PUDP: variants seen among roughly 807,000 people sequenced by gnomAD.
PUDP encodes the protein pseudouridine 5'-phosphatase.
PUDP carries 8 observed loss-of-function variants against 9.4 expected under a neutral mutation model. The observed-to-expected ratio is 0.85, with a 90% CI of 0.50 to 1.53. The LOEUF is 1.53. Among genes scored for constraint, PUDP ranks in the 40% most tolerant of loss-of-function variants. PUDP has a pLI of 0.00. For synonymous variants in PUDP, 99 were observed against 80.7 expected (o/e 1.23, Z -1.22); for missense variants, 188 against 189.7 (o/e 0.99, Z 0.05).
At chrX:6,801,834 C>G (rs16984344) in intron 3 of PUDP, among the ~76,000 whole-genome samples, 2,233 of 111,923 alleles carry the variant, frequency 0.02, 55 homozygotes, top group African/African-American at 0.069. Context: ...ACAGTGTGTG[C>G]CTCCGGTGGT....
At chrX:6,860,403 T>G (rs1310722938) in intron 3 of PUDP, among the ~76,000 whole-genome samples, 1 of 110,903 alleles carries the variant, frequency 9.0e-6, no homozygotes. Context: ...GCCTCCCAAA[T>G]TGCTAAGATT....
intron 3 of PUDP, among the ~76,000 whole-genome samples, chrX:7,073,430 TCAATTCCCTAAGG>T (rs1330336549): frequency 1.8e-5 from 2 of 112,324 alleles, no homozygotes. Context: ...TATGGCATGA[TCAATTCCCTAAGG>T]CAATTCCCTA....
chrX:6,748,500 T>C (rs1925026511), intron 3 of PUDP, among the ~76,000 whole-genome samples: 1 of 111,607 alleles, frequency 9.0e-6, no homozygotes, highest in Non-Finnish European at 1.9e-5. Flanking sequence ...CTGAACAGGC[T>C]GTTCAGCCAA....
At chrX:7,057,945 C>G in intron 3 of PUDP, 1 of 483,449 alleles carries the variant, frequency 2.1e-6, no homozygotes, top group Non-Finnish European at 3.5e-6. Flanking sequence ...CTCCCCAGGT[C>G]TCACTTCCCG....
At chrX:7,127,133 C>T (rs1206085830) in intron 1 of PUDP, among the ~76,000 whole-genome samples, 1 of 111,721 alleles carries the variant, frequency 9.0e-6, no homozygotes, top group Non-Finnish European at 1.9e-5. Flanking sequence ...TAACTGCAGG[C>T]ACAGCTCAAT....
chrX:7,055,651 C>T (rs1930221144), intron 3 of PUDP, among the ~76,000 whole-genome samples: 1 of 111,566 alleles, frequency 9.0e-6, no homozygotes, highest in Non-Finnish European at 1.9e-5. Flanking sequence ...TACCTGGTAT[C>T]TAAAAGCCTA....
At chrX:7,051,558 A>G (rs974433600) in intron 3 of PUDP, among the ~76,000 whole-genome samples, 5 of 111,792 alleles carry the variant, frequency 4.5e-5, no homozygotes, top group Non-Finnish European at 9.4e-5. Flanking sequence ...GGAAAAAAAT[A>G]AAGTACTAAA....
intron 3 of PUDP, among the ~76,000 whole-genome samples, chrX:6,852,405 G>A (rs1926839142): frequency 8.9e-6 from 1 of 112,435 alleles, no homozygotes; most frequent in Non-Finnish European, 1.9e-5. Context: ...CAGGCTGGCA[G>A]GGGTGTTGTC....
chrX:6,884,072 C>A, intron 3 of PUDP, among the ~76,000 whole-genome samples: 1 of 111,230 alleles, frequency 9.0e-6, no homozygotes, highest in Admixed American at 9.5e-5. Flanking sequence ...GATCTCCTGA[C>A]GTCGTGATCC....
At chrX:6,888,137 G>A (rs964596698) in intron 3 of PUDP, among the ~76,000 whole-genome samples, 31 of 111,102 alleles carry the variant, frequency 2.8e-4, no homozygotes, top group African/African-American at 1.0e-3. Flanking sequence ...CATCAAGACC[G>A]TGTATTAAAA....
chrX:6,909,495 T>C (rs1178100578), intron 3 of PUDP, among the ~76,000 whole-genome samples: 1 of 112,251 alleles, frequency 8.9e-6, no homozygotes, highest in East Asian at 2.8e-4. Flanking sequence ...AAACTTTGGC[T>C]TGCAGGTTGA....
At chrX:6,821,623 G>A (rs1055648970) in intron 3 of PUDP, among the ~76,000 whole-genome samples, 1 of 112,064 alleles carries the variant, frequency 8.9e-6, no homozygotes, top group African/African-American at 3.2e-5. Flanking sequence ...TAGGCAGATA[G>A]TTAGGGTAAA....
intron 3 of PUDP, among the ~76,000 whole-genome samples, chrX:6,945,768 C>T (rs779839451): frequency 5.4e-5 from 6 of 110,879 alleles, no homozygotes; most frequent in South Asian, 4.0e-4. Flanking sequence ...CACTTGGACT[C>T]GGAAACTCAA....
chrX:6,859,591 C>A (rs749509908), intron 3 of PUDP, among the ~76,000 whole-genome samples: 1 of 111,501 alleles, frequency 9.0e-6, no homozygotes, highest in African/African-American at 3.3e-5. Context: ...CCAGAGGTCA[C>A]AAGAACTGTG....
At chrX:6,830,668 T>C (rs915981151) in intron 3 of PUDP, among the ~76,000 whole-genome samples, 1 of 112,022 alleles carries the variant, frequency 8.9e-6, no homozygotes, top group Non-Finnish European at 1.9e-5. Context: ...AGTTAAGAGA[T>C]ACGAAGCCTA....
chrX:6,793,270 C>T (rs912463788), intron 3 of PUDP, among the ~76,000 whole-genome samples: 5 of 111,852 alleles, frequency 4.5e-5, no homozygotes, highest in East Asian at 2.8e-4. Context: ...GTCCTCACAT[C>T]GCAGATGGGA....
In PUDP at chrX:6,830,864, C is replaced by G. The variant is rs191710247; in HGVS notation, c.*248-124398G>C. Among the ~76,000 whole-genome samples, 37 of 112,093 alleles carry G rather than the reference C, an allele frequency of 3.3e-4. 1 individual carries two copies. Among genetic ancestry groups the G allele is most frequent in the Non-Finnish European group, 5.8e-4 (31 of 53,206 alleles). On this transcript the variant is annotated intron_variant and NMD_transcript_variant, in intron 3 of 3. Coordinates refer to the PUDP transcript ENST00000655425. ...AACCACCCAATGGGTTCTCCTTGCC[C>G]GCTGCCTAGACAAGAGCCAATTTAT...
intron 3 of PUDP, among the ~76,000 whole-genome samples, chrX:6,898,033 G>A (rs771376930): frequency 1.8e-5 from 2 of 112,393 alleles, no homozygotes; most frequent in South Asian, 3.7e-4. Flanking sequence ...TCACTCTCTG[G>A]TAGCCAATAT....
intron 3 of PUDP, among the ~76,000 whole-genome samples, chrX:6,904,276 T>C (rs1199141985): frequency 9.1e-6 from 1 of 110,492 alleles, no homozygotes; most frequent in Non-Finnish European, 1.9e-5. Context: ...TTAATGTGGG[T>C]GTAGAACAGC....
Sources: allele counts gnomAD v4.1 joint callset (sites outside exome capture counted in the v4.1 genomes callset), GRCh38; gene constraint gnomAD v4.1.1; transcripts MANE v1.5; gene names NCBI Gene and HGNC (gene_info 2026-07-23, HGNC 2026-07-21).